Variants in DPP10 observed in about 807,000 individuals in gnomAD.
DPP10 encodes the protein inactive dipeptidyl peptidase 10.
Under a neutral mutation model 120.9 loss-of-function variants are expected in DPP10, and 33 were observed. The observed-to-expected ratio is 0.27, with a 90% CI of 0.21 to 0.37. DPP10 has a LOEUF of 0.37. DPP10 is among the 10% of genes least tolerant of loss of function. The pLI is 1.00. For synonymous variants in DPP10, 337 were observed against 326.1 expected (o/e 1.03, Z -0.36); for missense variants, 816 against 942.8 (o/e 0.87, Z 1.76).
Position 114,826,310 on chromosome 2 carries a change from G to A in DPP10, c.60+383472G>A, listed in dbSNP as rs575683028. On this transcript the variant is annotated intron_variant, in intron 1 of 25. Transcript: ENST00000410059. The stretch of plus-strand genomic sequence containing the variant: ...ACATGATGTTTCAGAGCTTTTAATC[G>A]GCTTGTGAAATGTTAGAATTATTTC... Among the ~76,000 whole-genome samples, 17 of 152,006 alleles carry A rather than the reference G, an allele frequency of 1.1e-4. No individual in the cohort carries two copies. In the South Asian group the frequency reaches 1.5e-3, roughly 13 times the overall value.
chr2:114,464,701 C>A (rs1361772974), intron 1 of DPP10, among the ~76,000 whole-genome samples: 1 of 151,940 alleles, frequency 6.6e-6, no homozygotes, highest in Non-Finnish European at 1.5e-5. Context: ...TTCTGTTGCC[C>A]TAAATAATTG....
intron 1 of DPP10, among the ~76,000 whole-genome samples, chr2:114,529,806 C>T (rs1312092508): frequency 1.3e-5 from 2 of 151,984 alleles, no homozygotes; most frequent in Non-Finnish European, 2.9e-5. Flanking sequence ...AGCCTAGTGT[C>T]CATTAGTTGT....
chr2:115,234,064 GAAT>G, intron 1 of DPP10: 1 of 416,432 alleles, frequency 2.4e-6, no homozygotes, highest in East Asian at 6.7e-5. Flanking sequence ...ATAAGCAATA[GAAT>G]AATGATGAAG....
At chr2:115,157,473 T>A (rs150736178) in intron 1 of DPP10, among the ~76,000 whole-genome samples, 2 of 152,270 alleles carry the variant, frequency 1.3e-5, no homozygotes, top group East Asian at 3.9e-4. Flanking sequence ...TGAAAGAAAC[T>A]CAAAACAGAA....
chr2:115,272,555 C>A (rs1157390880), intron 1 of DPP10, among the ~76,000 whole-genome samples: 1 of 152,212 alleles, frequency 6.6e-6, no homozygotes, highest in Admixed American at 6.5e-5. Flanking sequence ...TATTAAACTT[C>A]TCCAGTAACT....
At chr2:115,584,508 C>T (rs2082174977) in intron 5 of DPP10, among the ~76,000 whole-genome samples, 1 of 152,206 alleles carries the variant, frequency 6.6e-6, no homozygotes, top group Non-Finnish European at 1.5e-5. Context: ...AAAGACCATA[C>T]ATGGCCTGCG....
intron 3 of DPP10, among the ~76,000 whole-genome samples, chr2:115,461,538 T>G (rs2073984686): frequency 6.6e-6 from 1 of 152,108 alleles, no homozygotes; most frequent in Non-Finnish European, 1.5e-5. Context: ...CTCACCACAC[T>G]TATAAGCAAA....
chr2:115,372,204 T>G (rs1228018405), intron 3 of DPP10, among the ~76,000 whole-genome samples: 1 of 152,158 alleles, frequency 6.6e-6, no homozygotes, highest in Non-Finnish European at 1.5e-5. Context: ...CAATATGAAT[T>G]ATGAAAGGAG....
At chr2:114,545,591 C>T (rs944504505) in intron 1 of DPP10, among the ~76,000 whole-genome samples, 16 of 152,302 alleles carry the variant, frequency 1.1e-4, no homozygotes, top group African/African-American at 3.6e-4. Context: ...ATAAAACTTT[C>T]TTAGACTTTC....
At chr2:115,340,338 C>T (rs2063382769) in intron 2 of DPP10, among the ~76,000 whole-genome samples, 1 of 151,690 alleles carries the variant, frequency 6.6e-6, no homozygotes, top group African/African-American at 2.4e-5. Context: ...ATACTTTGCA[C>T]TAAATTCAAT....
chr2:115,106,652 A>G (rs916741425), intron 1 of DPP10, among the ~76,000 whole-genome samples: 1 of 152,182 alleles, frequency 6.6e-6, no homozygotes, highest in East Asian at 2.0e-4. Flanking sequence ...TCTTGAGACA[A>G]GAGTTTTGCC....
intron 3 of DPP10, among the ~76,000 whole-genome samples, chr2:115,349,020 T>C (rs1262549528): frequency 1.3e-5 from 2 of 152,100 alleles, no homozygotes; most frequent in Non-Finnish European, 2.9e-5. Flanking sequence ...CTATAAACGA[T>C]GAGGAATAAC....
intron 12 of DPP10, among the ~76,000 whole-genome samples, chr2:115,765,638 G>A (rs927529277): frequency 6.6e-6 from 1 of 151,990 alleles, no homozygotes; most frequent in African/African-American, 2.4e-5. Context: ...TGTTTCATGA[G>A]AATAAGTAAA....
intron 5 of DPP10, among the ~76,000 whole-genome samples, chr2:115,531,277 G>A (rs2078449554): frequency 6.6e-6 from 1 of 151,846 alleles, no homozygotes; most frequent in African/African-American, 2.4e-5. Context: ...TCTAGGAGTG[G>A]GCCCAGCAAT....
intron 1 of DPP10, among the ~76,000 whole-genome samples, chr2:115,256,171 G>A (rs946927861): frequency 2.0e-5 from 3 of 152,200 alleles, no homozygotes; most frequent in African/African-American, 7.2e-5. Flanking sequence ...CATGATGGAA[G>A]GGGAAGCAAA....
At chr2:115,691,193 C>T (rs2091296303) in intron 7 of DPP10, among the ~76,000 whole-genome samples, 2 of 151,584 alleles carry the variant, frequency 1.3e-5, no homozygotes, top group South Asian at 2.1e-4. Context: ...ATCCAGTTTT[C>T]GGATTTACTT....
chr2:115,322,246 A>G (rs1377305618), intron 2 of DPP10, among the ~76,000 whole-genome samples: 1 of 152,054 alleles, frequency 6.6e-6, no homozygotes, highest in Non-Finnish European at 1.5e-5. Context: ...AGAATATTTT[A>G]AACTATTTTT....
chr2:115,398,134 G>A (rs933371522), intron 3 of DPP10, among the ~76,000 whole-genome samples: 1 of 149,832 alleles, frequency 6.7e-6, no homozygotes, highest in South Asian at 2.1e-4. Flanking sequence ...GTTTAGAGGT[G>A]TTTTTAATGC....
At chr2:114,632,212 T>C (rs922452955) in intron 1 of DPP10, among the ~76,000 whole-genome samples, 10 of 152,122 alleles carry the variant, frequency 6.6e-5, no homozygotes, top group African/African-American at 2.2e-4. Context: ...TGTATCCACT[T>C]GGCTAATATT....
Sources: gnomAD v4.1 joint callset for allele counts (sites outside exome capture counted in the v4.1 genomes callset) on GRCh38, gnomAD v4.1.1 for gene constraint, MANE v1.5 for transcripts, NCBI Gene and HGNC (gene_info 2026-07-23, HGNC 2026-07-21) for gene names.